ADAMTS16: variants seen among roughly 807,000 people sequenced by gnomAD.
ADAMTS16 encodes the protein ADAM metallopeptidase with thrombospondin type 1 motif 16.
Under a neutral mutation model 145.8 loss-of-function variants are expected in ADAMTS16, and 94 were observed. That is an observed-to-expected ratio of 0.64 (90% confidence interval 0.55 to 0.77). The LOEUF is 0.77. ADAMTS16 is among the 30% of genes least tolerant of loss of function. The pLI is 0.00. For missense variants in ADAMTS16, 1,585 were observed against 1,591.5 expected (o/e 1.00, Z 0.07); for synonymous variants, 659 against 604.3 (o/e 1.09, Z -1.33).
chr5:5,278,870 T>C (rs186266514), intron 18 of ADAMTS16, among the ~76,000 whole-genome samples: 1 of 151,028 alleles, frequency 6.6e-6, no homozygotes, highest in Non-Finnish European at 1.5e-5. Context: ...ATAAGTGTCA[T>C]GGATAAAAAT....
rs985063714 is a variant in ADAMTS16, at chr5:5,159,832, C to T, written c.501+13377C>T. 1.2e-4 allele frequency among the ~76,000 whole-genome samples: 18 copies of T among 152,156 alleles called. 1 individual carries two copies. Among genetic ancestry groups the T allele is most frequent in the African/African-American group, 4.1e-4 (17 of 41,440 alleles). On this transcript the variant is annotated intron_variant, in intron 3 of 22. Transcript: ENST00000274181. ...AAAGAAAGTTGTCTATTCCCAACAC[C>T]GGGAGATCACTTGTGCTTAACAAGT...
At chr5:5,187,677 G>T in intron 5 of ADAMTS16, 48 bp from the exon 6 acceptor site, 1 of 1,329,570 alleles carries the variant, frequency 7.5e-7, no homozygotes, top group East Asian at 2.3e-5. Context: ...GTAAGTAGGG[G>T]GGAAAATGCC....
chr5:5,192,511 G>C (rs1215963185), intron 8 of ADAMTS16, among the ~76,000 whole-genome samples: 9 of 152,156 alleles, frequency 5.9e-5, no homozygotes, highest in Admixed American at 5.9e-4. Flanking sequence ...CCAAGCAAGA[G>C]TTTGGAAGAG....
chr5:5,140,896 CT>C (rs59628659), intron 2 of ADAMTS16, 130 bp downstream of exon 2: 355,007 of 630,000 alleles, frequency 0.56, 58,994 homozygotes, highest in Admixed American at 0.7. Flanking sequence ...CTGTTGTGAA[CT>C]TTTTTTTTTT....
intron 18 of ADAMTS16, among the ~76,000 whole-genome samples, chr5:5,289,143 A>G (rs912607997): frequency 6.6e-6 from 1 of 152,162 alleles, no homozygotes; most frequent in Non-Finnish European, 1.5e-5. Context: ...CTTTTAGGAA[A>G]TAATAGCATC....
chr5:5,227,048 T>A (rs1186336072), intron 11 of ADAMTS16, among the ~76,000 whole-genome samples: 1 of 152,280 alleles, frequency 6.6e-6, no homozygotes, highest in Non-Finnish European at 1.5e-5. Flanking sequence ...GCACTTGGCC[T>A]AGTCCTTACA....
intron 8 of ADAMTS16, among the ~76,000 whole-genome samples, chr5:5,197,658 A>T (rs1735843720): frequency 1.3e-5 from 2 of 152,260 alleles, no homozygotes; most frequent in Admixed American, 1.3e-4. Flanking sequence ...TAGTAGTTAT[A>T]GTTCTTGGTT....
At position 5,298,128 on chromosome 5, in the gene ADAMTS16, A is replaced by G. The variant is rs1271912517; in HGVS notation, c.2790-5140A>G. Among the ~76,000 whole-genome samples the G allele has an allele frequency of 1.2e-4, 18 of 152,084 alleles. No individual in the cohort carries two copies. In the East Asian group the frequency reaches 3.1e-3, roughly 26 times the overall value. Reference sequence around the variant, plus strand: ...CTGCCAGACAGTGTCAGGAACATCTATGCAAACCAACTGTGGCTGGGAGGG... The same window carrying G: ...CTGCCAGACAGTGTCAGGAACATCTGTGCAAACCAACTGTGGCTGGGAGGG... On this transcript the variant is annotated intron_variant, in intron 18 of 22. Transcript: ENST00000274181.
chr5:5,318,334 G>A (rs754501390), intron 22 of ADAMTS16, 53 bp downstream of exon 22: 730 of 1,357,938 alleles, frequency 5.4e-4, no homozygotes, highest in Non-Finnish European at 6.2e-4. Flanking sequence ...GGAATGTCAG[G>A]TTTCTGGAGC....
At chr5:5,305,820 C>G (rs548873776) in intron 20 of ADAMTS16, among the ~76,000 whole-genome samples, 231 of 152,332 alleles carry the variant, frequency 1.5e-3, no homozygotes, top group African/African-American at 5.3e-3. Context: ...GGGCCGGGAC[C>G]TCTGTCCCAG....
chr5:5,262,612 G>A (rs1225562502), intron 17 of ADAMTS16, 45 bp from the exon 18 acceptor site: 1 of 1,588,286 alleles, frequency 6.3e-7, no homozygotes, highest in South Asian at 1.2e-5. Flanking sequence ...TTTACTGTGG[G>A]GCATGCATGT....
At chr5:5,152,413 A>T (rs1182888346) in intron 3 of ADAMTS16, among the ~76,000 whole-genome samples, 1 of 152,254 alleles carries the variant, frequency 6.6e-6, no homozygotes, top group Non-Finnish European at 1.5e-5. Context: ...CGGCCTGATA[A>T]GCCTGGAGAG....
intron 3 of ADAMTS16, among the ~76,000 whole-genome samples, chr5:5,146,870 A>G (rs1033574174): frequency 6.6e-6 from 1 of 152,246 alleles, no homozygotes; most frequent in African/African-American, 2.4e-5. Flanking sequence ...TTATTTGATC[A>G]GATATTTGAA....
chr5:5,236,404 A>G (rs1030029856), intron 13 of ADAMTS16, among the ~76,000 whole-genome samples: 3 of 152,198 alleles, frequency 2.0e-5, no homozygotes, highest in Non-Finnish European at 4.4e-5. Context: ...TTAGGAAGGA[A>G]GTAAACTTCC....
chr5:5,291,661 C>G (rs576658928), intron 18 of ADAMTS16, among the ~76,000 whole-genome samples: 65 of 138,528 alleles, frequency 4.7e-4, no homozygotes, highest in African/African-American at 1.6e-3. Flanking sequence ...CACCCCCCCA[C>G]CCCCACACCA....
At chr5:5,155,802 G>A (rs1734586980) in intron 3 of ADAMTS16, among the ~76,000 whole-genome samples, 6 of 152,186 alleles carry the variant, frequency 3.9e-5, no homozygotes, top group Admixed American at 3.9e-4. Context: ...AGGAAGTGAG[G>A]GAACAGACAG....
intron 18 of ADAMTS16, among the ~76,000 whole-genome samples, chr5:5,274,378 A>G (rs140481118): frequency 3.1e-4 from 47 of 152,160 alleles, no homozygotes; most frequent in African/African-American, 1.1e-3. Context: ...CCTCCCGACC[A>G]ACCCCTGGCA....
intron 21 of ADAMTS16, among the ~76,000 whole-genome samples, chr5:5,315,559 A>G (rs1324987710): frequency 1.3e-5 from 2 of 152,180 alleles, no homozygotes; most frequent in Non-Finnish European, 2.9e-5. Flanking sequence ...TAACTCAAGA[A>G]ACGAAAGATG....
intron 17 of ADAMTS16, among the ~76,000 whole-genome samples, chr5:5,260,475 G>A (rs1480900062): frequency 6.6e-6 from 1 of 152,096 alleles, no homozygotes; most frequent in Non-Finnish European, 1.5e-5. Flanking sequence ...CACCTTAAGG[G>A]AGCACCATGT....
Sources: allele counts gnomAD v4.1 joint callset (sites outside exome capture counted in the v4.1 genomes callset), GRCh38; gene constraint gnomAD v4.1.1; transcripts MANE v1.5; gene names NCBI Gene and HGNC (gene_info 2026-07-23, HGNC 2026-07-21).